Variants in EIF3K observed in about 807,000 individuals in gnomAD.
EIF3K encodes eIF-3 p28.
EIF3K carries 27 observed loss-of-function variants against 34.2 expected under a neutral mutation model. That is an observed-to-expected ratio of 0.79 (90% CI 0.58 to 1.09). The LOEUF is 1.09. Ranked by LOEUF, EIF3K falls within the 50% of genes least tolerant of loss-of-function variation. The pLI is 0.00. For missense variants in EIF3K, 232 were observed against 275.4 expected (o/e 0.84, Z 1.11); for synonymous variants, 105 against 105.7 (o/e 0.99, Z 0.04).
intron 1 of EIF3K, 94 bp from the exon 2 acceptor site, chr19:38,620,243 C>A: frequency 2.1e-6 from 2 of 974,672 alleles, no homozygotes; most frequent in Non-Finnish European, 1.6e-6. Context: ...AGGGGAAGGG[C>A]GGGAGGAGCA....
intron 6 of EIF3K, among the ~76,000 whole-genome samples, 199 bp from the exon 7 acceptor site, chr19:38,634,794 C>T (rs1568658669): frequency 6.6e-6 from 1 of 152,172 alleles, no homozygotes; most frequent in Non-Finnish European, 1.5e-5. Flanking sequence ...CAGGCTCCCT[C>T]TGGCGGCCAT....
intron 6 of EIF3K, among the ~76,000 whole-genome samples, chr19:38,633,146 A>T (rs1001043356): frequency 8.5e-5 from 13 of 152,114 alleles, no homozygotes; most frequent in African/African-American, 3.1e-4. Context: ...GTTCATGGGT[A>T]GCCAGGGTGT....
chr19:38,621,954 G>T, intron 2 of EIF3K, among the ~76,000 whole-genome samples: 1 of 139,336 alleles, frequency 7.2e-6, no homozygotes. Context: ...TGCCCAGGCT[G>T]GAGTACAGTG....
chr19:38,635,490 T>C (rs1190357907), intron 7 of EIF3K: 3 of 336,076 alleles, frequency 8.9e-6, no homozygotes, highest in Non-Finnish European at 1.6e-5. Flanking sequence ...CGGTGAACAG[T>C]AGGAATCTTG....
chr19:38,633,555 G>A (rs1367845104), intron 6 of EIF3K, among the ~76,000 whole-genome samples: 1 of 152,014 alleles, frequency 6.6e-6, no homozygotes, highest in Non-Finnish European at 1.5e-5. Flanking sequence ...AAAAATTGCT[G>A]GGTGTGGTGG....
In EIF3K at chr19:38,624,094, CCTT is replaced by C; in HGVS notation, c.180_182del (p.Phe61del). ...TTTCTTAGGTACCAGTTCAACCCAGCCTTCTTTCAGACCACGGTCACCGCCCAG... is the reference window on the plus strand; with the variant it reads ...TTTCTTAGGTACCAGTTCAACCCAGCCTTTCAGACCACGGTCACCGCCCAG... On this transcript the variant is annotated inframe_deletion, in exon 3 of 8. Transcript: ENST00000248342. 6.2e-7 allele frequency: 1 copy of C among 1,614,164 alleles called. No homozygotes were observed. The highest frequency in any genetic ancestry group is 2.2e-5 in the East Asian group (1 of 44,886).
At chr19:38,631,354 A>T (rs1054002346) in intron 4 of EIF3K, among the ~76,000 whole-genome samples, 1 of 152,180 alleles carries the variant, frequency 6.6e-6, no homozygotes, top group South Asian at 2.1e-4. Context: ...TGGCAGGGTC[A>T]TAGGATAATA....
intron 4 of EIF3K, among the ~76,000 whole-genome samples, chr19:38,627,933 C>T (rs1163106235): frequency 2.8e-5 from 4 of 143,248 alleles, no homozygotes; most frequent in Non-Finnish European, 5.9e-5. Context: ...GAGACCATGT[C>T]TCGCTGTGTC....
rs3033331 is a variant in EIF3K at position 38,629,267 on chromosome 19, GTTTGTTTTGTTTTGTTTTGTTTTGT to G, written c.355-3144_355-3120del. On this transcript the variant is annotated intron_variant, in intron 4 of 7. Coordinates refer to ENST00000248342, the MANE Select transcript of EIF3K (RefSeq NM_013234.4). ...ACAGATAGACAGGTTTTTTTTGTTT[GTTTGTTTTGTTTTGTTTTGTTTTGT>G]TTTGTTTTGTTTTGTTTTTTGAGAC... 4.7e-5 allele frequency among the ~76,000 whole-genome samples: 7 copies of G among 148,832 alleles called. No individual in the cohort carries two copies. The East Asian group carries it at 1.0e-3, about 22-fold the overall frequency.
intron 4 of EIF3K, among the ~76,000 whole-genome samples, chr19:38,629,271 GT>G (rs1330134549): frequency 2.7e-5 from 3 of 112,226 alleles, no homozygotes; most frequent in Non-Finnish European, 1.8e-5. Flanking sequence ...TTGTTTGTTT[GT>G]TTTGTTTTGT....
intron 4 of EIF3K, among the ~76,000 whole-genome samples, chr19:38,630,447 T>G (rs965626675): frequency 2.0e-5 from 3 of 150,680 alleles, no homozygotes; most frequent in Non-Finnish European, 4.4e-5. Context: ...TGGGTTCAAG[T>G]GATTCTTCTG....
chr19:38,627,047 C>T (rs1476680813), intron 4 of EIF3K, among the ~76,000 whole-genome samples: 2 of 152,084 alleles, frequency 1.3e-5, no homozygotes, highest in African/African-American at 4.8e-5. Flanking sequence ...AGTGCAGTGG[C>T]GCGATCTTGG....
Position 38,632,466 on chromosome 19 carries a change from A to C in EIF3K, c.391A>C (p.Ile131Leu). The C allele has an allele frequency of 1.2e-6, 2 of 1,614,236 alleles. No homozygotes were observed. Among genetic ancestry groups the C allele is most frequent in the Non-Finnish European group, 1.7e-6 (2 of 1,180,030 alleles). ...TGAAAACATGGACCTCTTGGAAGGTATAACTGGCTTTGAAGACTCTGTCCG... is the reference window on the plus strand; with the variant it reads ...TGAAAACATGGACCTCTTGGAAGGTCTAACTGGCTTTGAAGACTCTGTCCG... ...LDENMDLLEG[I>L]TGFEDSVRKF... Residue 131 changes from isoleucine (I) to leucine (L), a missense_variant, in exon 5 of 8, where the codon ATA becomes CTA. By Grantham distance (5) the Ile-to-Leu change is conservative (BLOSUM62 2). Coordinates refer to ENST00000248342, the MANE Select transcript of EIF3K (RefSeq NM_013234.4).
At chr19:38,620,311 G>A (rs1195570107) in intron 1 of EIF3K, 26 bp from the exon 2 acceptor site, 1 of 1,604,986 alleles carries the variant, frequency 6.2e-7, no homozygotes, top group South Asian at 1.1e-5. Context: ...TCTCCTCTGT[G>A]CTCACCTATC....
At chr19:38,622,057 C>T (rs146849634) in intron 2 of EIF3K, among the ~76,000 whole-genome samples, 1 of 151,718 alleles carries the variant, frequency 6.6e-6, no homozygotes, top group East Asian at 1.9e-4. Context: ...AGGCATGCAC[C>T]ACCATGCCCA....
rs535263687 is a variant in EIF3K, at chr19:38,634,899, C to T, written c.500-94C>T. On this transcript the variant is annotated intron_variant, in intron 6 of 7. Transcript: ENST00000248342. Reference sequence around the variant, plus strand: ...ATGTCAGTGGGCAAGGGGGGCTGCCCTGGCTTCCTGAGCCATGACTCTGTT... The same window carrying T: ...ATGTCAGTGGGCAAGGGGGGCTGCCTTGGCTTCCTGAGCCATGACTCTGTT... The T allele has an allele frequency of 2.7e-5, 42 of 1,565,156 alleles. No homozygotes were observed. The African/African-American group carries it at 4.8e-4, about 18-fold the overall frequency.
chr19:38,621,063 G>C (rs372044498), intron 2 of EIF3K, among the ~76,000 whole-genome samples: 33 of 152,024 alleles, frequency 2.2e-4, no homozygotes, highest in East Asian at 2.1e-3. Context: ...TTAATGTAGC[G>C]GTGTGTGGCT....
At chr19:38,619,462 C>G in intron 1 of EIF3K, 135 bp downstream of exon 1, 1 of 973,862 alleles carries the variant, frequency 1.0e-6, no homozygotes, top group Non-Finnish European at 1.5e-6. Flanking sequence ...GGAGGAGATG[C>G]TTAAAGAAAC....
At chr19:38,632,992 A>AG (rs1976103106) in intron 6 of EIF3K, 1 of 326,782 alleles carries the variant, frequency 3.1e-6, no homozygotes, top group South Asian at 5.8e-5. Flanking sequence ...GGCGACATGG[A>AG]GGTGTCCAGT....
Sources: allele counts gnomAD v4.1 joint callset (sites outside exome capture counted in the v4.1 genomes callset), GRCh38; gene constraint gnomAD v4.1.1; transcripts MANE v1.5; gene names NCBI Gene and HGNC (gene_info 2026-07-23, HGNC 2026-07-21).